The following PTPRS variants were observed in gnomAD, a reference collection of about 807,000 sequenced individuals.
PTPRS encodes protein tyrosine phosphatase receptor type S.
In PTPRS, 63 loss-of-function variants were observed where a neutral mutation model predicts 215.3. That is an observed-to-expected ratio of 0.29 (90% CI 0.24 to 0.36). The LOEUF (loss-of-function observed/expected upper bound fraction) is 0.36. Among genes scored for constraint, PTPRS ranks in the 10% least tolerant of loss-of-function variants. PTPRS has a pLI of 1.00. For synonymous variants in PTPRS, 1,404 were observed against 1,191.4 expected (o/e 1.18, Z -3.68); for missense variants, 2,258 against 2,825.8 (o/e 0.80, Z 4.56).
intron 1 of PTPRS, among the ~76,000 whole-genome samples, chr19:5,323,698 A>T (rs2050093282): frequency 2.6e-5 from 4 of 152,216 alleles, no homozygotes; most frequent in Admixed American, 2.6e-4. Context: ...GGGATGGAGC[A>T]GGTTGTGCAA....
intron 1 of PTPRS, among the ~76,000 whole-genome samples, chr19:5,332,662 C>T (rs1162795132): frequency 6.6e-6 from 1 of 152,216 alleles, no homozygotes; most frequent in Non-Finnish European, 1.5e-5. Flanking sequence ...GGGTCCCTGT[C>T]CATCCTCCTG....
intron 10 of PTPRS, 38 bp downstream of exon 10, chr19:5,245,724 GGATCGACTCCAGCC>G: frequency 6.6e-7 from 1 of 1,507,960 alleles, no homozygotes; most frequent in Admixed American, 2.1e-5. Context: ...CTGAAGTCGG[GGATCGACTCCAGCC>G]TGCCCCTCCA....
At chr19:5,301,419 G>C (rs1381563314) in intron 1 of PTPRS, among the ~76,000 whole-genome samples, 1 of 150,928 alleles carries the variant, frequency 6.6e-6, no homozygotes, top group South Asian at 2.1e-4. Context: ...AGGTTCAATC[G>C]ATTCTCCTGC....
At chr19:5,302,005 T>C (rs2049317920) in intron 1 of PTPRS, among the ~76,000 whole-genome samples, 1 of 152,090 alleles carries the variant, frequency 6.6e-6, no homozygotes, top group Admixed American at 6.6e-5. Flanking sequence ...GGTCTTGAAC[T>C]CCTGACCTCA....
At chr19:5,227,936 G>A (rs767538825) in intron 16 of PTPRS, among the ~76,000 whole-genome samples, 7 of 151,862 alleles carry the variant, frequency 4.6e-5, no homozygotes, top group Non-Finnish European at 1.0e-4. Context: ...AAGCACACAC[G>A]CACCCCCCCA....
intron 2 of PTPRS, among the ~76,000 whole-genome samples, chr19:5,282,314 G>A (rs761265898): frequency 1.4e-4 from 21 of 152,122 alleles, no homozygotes; most frequent in South Asian, 4.1e-4. Context: ...TGAGTCCCCC[G>A]TTAGAAAATG....
rs1254012301 is a variant in PTPRS at position 5,237,430 on chromosome 19, C to T, written c.1849+1489G>A. Reference sequence around the variant, plus strand: ...GCCCCGGAGGTTCGCGTGGCTGGGCCGAAGCCGCTTTCTAGGTGACCGTGT... The same window carrying T: ...GCCCCGGAGGTTCGCGTGGCTGGGCTGAAGCCGCTTTCTAGGTGACCGTGT... On this transcript the variant is annotated intron_variant, in intron 13 of 37. Transcript: ENST00000262963. The surrounding 1 kb of genome is among the most constrained non-coding windows in gnomAD (Gnocchi z 4.2). 1.3e-5 allele frequency among the ~76,000 whole-genome samples: 2 copies of T among 152,238 alleles called. No individual in the cohort carries two copies. Among genetic ancestry groups the T allele is most frequent in the East Asian group, 3.9e-4 (2 of 5,188 alleles).
At chr19:5,305,572 T>C (rs1300035035) in intron 1 of PTPRS, among the ~76,000 whole-genome samples, 3 of 145,790 alleles carry the variant, frequency 2.1e-5, no homozygotes, top group African/African-American at 7.7e-5. Context: ...AAAAAATCCT[T>C]GTGCCTAGAA....
At chr19:5,300,626 C>A (rs556707244) in intron 1 of PTPRS, among the ~76,000 whole-genome samples, 1 of 151,782 alleles carries the variant, frequency 6.6e-6, no homozygotes, top group Non-Finnish European at 1.5e-5. Flanking sequence ...CCAAAATTAG[C>A]CGGGCATGGT....
intron 1 of PTPRS, among the ~76,000 whole-genome samples, chr19:5,333,993 C>A (rs1431179576): frequency 6.8e-6 from 1 of 146,050 alleles, no homozygotes; most frequent in East Asian, 2.2e-4. Flanking sequence ...GGTGATCACT[C>A]GGGCCCACCA....
intron 4 of PTPRS, among the ~76,000 whole-genome samples, chr19:5,268,680 C>A (rs971635462): frequency 6.6e-6 from 1 of 152,196 alleles, no homozygotes; most frequent in Non-Finnish European, 1.5e-5. Context: ...TGAGCACTAA[C>A]AGCATCCCAG....
intron 2 of PTPRS, among the ~76,000 whole-genome samples, chr19:5,279,664 C>A (rs1178967400): frequency 6.6e-6 from 1 of 152,068 alleles, no homozygotes; most frequent in Non-Finnish European, 1.5e-5. Context: ...AGCCACCGTG[C>A]CCAGCTGAAG....
intron 2 of PTPRS, among the ~76,000 whole-genome samples, chr19:5,279,974 C>G (rs1270287395): frequency 6.6e-6 from 1 of 152,136 alleles, no homozygotes; most frequent in African/African-American, 2.4e-5. Context: ...TGAGCCACCA[C>G]GCCCAGCCTG....
intron 9 of PTPRS, among the ~76,000 whole-genome samples, chr19:5,250,616 G>GT (rs567392352): frequency 0.032 from 1,263 of 39,604 alleles, 30 homozygotes; most frequent in African/African-American, 0.11. Context: ...GGGGGTCCCA[G>GT]CGGGGGGACC....
chr19:5,307,239 C>G (rs1434855762), intron 1 of PTPRS, among the ~76,000 whole-genome samples: 1 of 152,138 alleles, frequency 6.6e-6, no homozygotes, highest in African/African-American at 2.4e-5. Context: ...ACTCAGGAGG[C>G]AGAGGCTATA....
At chr19:5,289,507 G>T (rs2048636326) in intron 1 of PTPRS, among the ~76,000 whole-genome samples, 1 of 152,070 alleles carries the variant, frequency 6.6e-6, no homozygotes, top group African/African-American at 2.4e-5. Context: ...CCTGCCTCGG[G>T]GTCAAAGCCC....
intron 1 of PTPRS, among the ~76,000 whole-genome samples, chr19:5,313,014 A>G (rs920500434): frequency 3.3e-5 from 5 of 152,210 alleles, no homozygotes; most frequent in African/African-American, 1.2e-4. Flanking sequence ...TCCTGGGTTC[A>G]AGCGATTCTC....
chr19:5,225,695 G>A (rs1166787161), intron 17 of PTPRS, 32 bp downstream of exon 17: 3 of 1,573,522 alleles, frequency 1.9e-6, no homozygotes, highest in East Asian at 2.2e-5. Context: ...CAAAGGGGCT[G>A]TTGGTGGGTG....
chr19:5,315,350 G>T (rs1600106043), intron 1 of PTPRS, among the ~76,000 whole-genome samples: 2 of 101,296 alleles, frequency 2.0e-5, no homozygotes, highest in Non-Finnish European at 3.8e-5. Flanking sequence ...ATTTGAAAAG[G>T]GTTTTTTTTT....
Sources: allele counts gnomAD v4.1 joint callset (sites outside exome capture counted in the v4.1 genomes callset), GRCh38; gene constraint gnomAD v4.1.1; non-coding constraint Gnocchi (gnomAD v3.1); transcripts MANE v1.5; gene names NCBI Gene and HGNC (gene_info 2026-07-23, HGNC 2026-07-21).